Variants in MSRA observed in about 807,000 individuals in gnomAD.
MSRA encodes the protein methionine sulfoxide reductase A.
In MSRA, 54 loss-of-function variants were observed where a neutral mutation model predicts 31.3. The observed-to-expected ratio is 1.73, with a 90% CI of 1.39 to 2.17. The LOEUF (loss-of-function observed/expected upper bound fraction) is 2.17, where lower values mean the gene tolerates loss of function less well. Among genes scored for constraint, MSRA ranks in the 30% most tolerant of loss-of-function variants. MSRA has a pLI of 0.00. For synonymous variants in MSRA, 169 were observed against 116.5 expected (o/e 1.45, Z -2.90); for missense variants, 507 against 300.9 (o/e 1.69, Z -5.07).
chr8:10,117,031 A>G (rs191935650), intron 1 of MSRA, among the ~76,000 whole-genome samples: 2 of 152,296 alleles, frequency 1.3e-5, no homozygotes, highest in Admixed American at 6.5e-5. Context: ...GGTTAACTGT[A>G]TGGAATAATG....
At chr8:10,321,901 C>A (rs1225389738) in intron 5 of MSRA, among the ~76,000 whole-genome samples, 1 of 152,238 alleles carries the variant, frequency 6.6e-6, no homozygotes, top group Non-Finnish European at 1.5e-5. Flanking sequence ...CACAGCCAAG[C>A]TGTGCCACAG....
At chr8:10,264,467 A>G (rs911137170) in intron 3 of MSRA, among the ~76,000 whole-genome samples, 6 of 152,228 alleles carry the variant, frequency 3.9e-5, no homozygotes, top group Admixed American at 2.0e-4. Context: ...TCTTTTTGCA[A>G]CATTTCCAGC....
At chr8:10,270,361 C>T (rs1255632624) in intron 3 of MSRA, among the ~76,000 whole-genome samples, 1 of 150,522 alleles carries the variant, frequency 6.6e-6, no homozygotes, top group Non-Finnish European at 1.5e-5. Context: ...CATTTCTATT[C>T]GTTTTCCATA....
chr8:10,082,669 A>C (rs930818060), intron 1 of MSRA, among the ~76,000 whole-genome samples: 2 of 152,178 alleles, frequency 1.3e-5, no homozygotes, highest in Admixed American at 1.3e-4. Flanking sequence ...ATGTCGAACC[A>C]AACAGGCAAG....
intron 1 of MSRA, among the ~76,000 whole-genome samples, chr8:10,159,482 A>C (rs936293894): frequency 6.6e-6 from 1 of 152,246 alleles, no homozygotes; most frequent in Non-Finnish European, 1.5e-5. Flanking sequence ...CTTACCTCTT[A>C]CTTCTGGAGC....
At chr8:10,225,692 C>T (rs554301223) in intron 2 of MSRA, among the ~76,000 whole-genome samples, 5 of 152,208 alleles carry the variant, frequency 3.3e-5, no homozygotes, top group African/African-American at 1.2e-4. Flanking sequence ...TTTATGGTGC[C>T]AGCTCTCGTT....
At chr8:10,122,587 A>G (rs1023114006) in intron 1 of MSRA, among the ~76,000 whole-genome samples, 21 of 151,730 alleles carry the variant, frequency 1.4e-4, no homozygotes, top group African/African-American at 5.1e-4. Flanking sequence ...TTTAATGGGT[A>G]AACTTGTGTC....
At chr8:10,271,718 CTT>C (rs11301253) in intron 3 of MSRA, among the ~76,000 whole-genome samples, 35,154 of 136,000 alleles carry the variant, frequency 0.26, 4,304 homozygotes, top group East Asian at 0.38. Context: ...CATGGGTAGT[CTT>C]TTTTTTTTTT....
At chr8:10,177,283 T>A (rs377147069) in intron 1 of MSRA, among the ~76,000 whole-genome samples, 3 of 152,312 alleles carry the variant, frequency 2.0e-5, no homozygotes, top group East Asian at 3.9e-4. Flanking sequence ...TTTCCCATAG[T>A]TCTAAATTAT....
chr8:10,130,889 T>C (rs896481936), intron 1 of MSRA, among the ~76,000 whole-genome samples: 1 of 152,156 alleles, frequency 6.6e-6, no homozygotes, highest in African/African-American at 2.4e-5. Flanking sequence ...CTTCTCAGGT[T>C]TTAGATGCCA....
chr8:10,091,373 A>G (rs886516420), intron 1 of MSRA, among the ~76,000 whole-genome samples: 17 of 152,210 alleles, frequency 1.1e-4, no homozygotes, highest in African/African-American at 2.9e-4. Flanking sequence ...TGCCTCACAT[A>G]TTATTTTTTG....
intron 3 of MSRA, among the ~76,000 whole-genome samples, chr8:10,265,968 G>T (rs1480610258): frequency 6.6e-6 from 1 of 152,176 alleles, no homozygotes; most frequent in Non-Finnish European, 1.5e-5. Context: ...ATATTCTCTT[G>T]TATGGATGAA....
In MSRA at chr8:10,364,334, G is replaced by T. The variant is rs1195484923; in HGVS notation, c.543+44345G>T. Among the ~76,000 whole-genome samples, 3 of 152,160 alleles carry T rather than the reference G, an allele frequency of 2.0e-5. No homozygotes were observed. In the South Asian group the frequency reaches 6.2e-4, roughly 32 times the overall value. On this transcript the variant is annotated intron_variant, in intron 5 of 5. Transcript: ENST00000317173. The stretch of plus-strand genomic sequence containing the variant: ...AATCATCAACACAGGCTCCTGGGGC[G>T]TCAAAGGTGTCACAGCACCCTGACT...
chr8:10,320,877 T>A (rs998108743), intron 5 of MSRA, among the ~76,000 whole-genome samples: 1 of 152,214 alleles, frequency 6.6e-6, no homozygotes, highest in Non-Finnish European at 1.5e-5. Flanking sequence ...TTCTTGTTTT[T>A]AAACAGTCTC....
chr8:10,055,067 C>T (rs1802262138), intron 1 of MSRA, among the ~76,000 whole-genome samples: 1 of 152,194 alleles, frequency 6.6e-6, no homozygotes, highest in South Asian at 2.1e-4. Context: ...ACCCAGGGCA[C>T]CTGCAGCGGG....
intron 3 of MSRA, among the ~76,000 whole-genome samples, chr8:10,294,874 G>T (rs779138204): frequency 1.3e-5 from 2 of 152,118 alleles, no homozygotes; most frequent in East Asian, 1.9e-4. Flanking sequence ...TGGGAGGGGT[G>T]GGGGCGGGGG....
chr8:10,421,938 C>T (rs1808838797), intron 5 of MSRA, among the ~76,000 whole-genome samples: 1 of 152,124 alleles, frequency 6.6e-6, no homozygotes, highest in Non-Finnish European at 1.5e-5. Flanking sequence ...TAGCTTTCAC[C>T]CCTGGGTGGG....
intron 4 of MSRA, among the ~76,000 whole-genome samples, chr8:10,301,874 C>T (rs959991532): frequency 1.3e-5 from 2 of 152,140 alleles, no homozygotes; most frequent in South Asian, 2.1e-4. Flanking sequence ...TGGGAAAATT[C>T]CCACAGAGGA....
chr8:10,277,476 T>C (rs1799385190), intron 3 of MSRA, among the ~76,000 whole-genome samples: 1 of 152,204 alleles, frequency 6.6e-6, no homozygotes, highest in South Asian at 2.1e-4. Context: ...CCCTTCTAGT[T>C]CTATTCTGTA....
Sources: allele counts gnomAD v4.1 joint callset (sites outside exome capture counted in the v4.1 genomes callset), GRCh38; gene constraint gnomAD v4.1.1; transcripts MANE v1.5; gene names NCBI Gene and HGNC (gene_info 2026-07-23, HGNC 2026-07-21).